Variants in NRXN3 observed in about 807,000 individuals in gnomAD.
NRXN3 encodes the protein neurexin III.
Under a neutral mutation model 137.6 loss-of-function variants are expected in NRXN3, and 32 were observed. The ratio of observed to expected loss-of-function variants is 0.23; its 90% CI spans 0.18 to 0.31. NRXN3 has a LOEUF of 0.31. NRXN3 is among the 10% of genes least tolerant of loss of function. NRXN3 has a pLI of 1.00. For missense variants in NRXN3, 1,574 were observed against 2,062.5 expected (o/e 0.76, Z 4.59); for synonymous variants, 798 against 784.5 (o/e 1.02, Z -0.29).
intron 4 of NRXN3, among the ~76,000 whole-genome samples, chr14:78,613,446 A>G (rs1158501686): frequency 6.6e-6 from 1 of 152,190 alleles, no homozygotes; most frequent in Non-Finnish European, 1.5e-5. Flanking sequence ...AAAGAAATGT[A>G]AGAAAATAAT....
chr14:79,385,212 CCCCCA>C (rs2094576838), intron 15 of NRXN3, among the ~76,000 whole-genome samples: 1 of 113,890 alleles, frequency 8.8e-6, no homozygotes. Flanking sequence ...CTTCCCCCCG[CCCCCA>C]CCCCACCACA....
chr14:78,198,187 C>T (rs1408905464), intron 1 of NRXN3, among the ~76,000 whole-genome samples: 1 of 152,208 alleles, frequency 6.6e-6, no homozygotes, highest in Non-Finnish European at 1.5e-5. Flanking sequence ...CTGTTCTCCT[C>T]CCTGCTCAGC....
intron 4 of NRXN3, among the ~76,000 whole-genome samples, chr14:78,315,487 G>A (rs2078598995): frequency 6.6e-6 from 1 of 152,128 alleles, no homozygotes; most frequent in South Asian, 2.1e-4. Context: ...AAATTCCAAG[G>A]AATAAAATGA....
intron 16 of NRXN3, among the ~76,000 whole-genome samples, chr14:79,498,301 G>A (rs549301687): frequency 1.3e-5 from 2 of 152,226 alleles, no homozygotes; most frequent in African/African-American, 2.4e-5. Flanking sequence ...CATGGTAGAT[G>A]CTATTATCGA....
At chr14:78,361,824 G>C (rs539674633) in intron 4 of NRXN3, among the ~76,000 whole-genome samples, 67 of 152,266 alleles carry the variant, frequency 4.4e-4, no homozygotes, top group Non-Finnish European at 7.9e-4. Context: ...TATTTGTCAA[G>C]CTATTAGGAT....
chr14:79,769,091 C>T (rs1046049600), intron 19 of NRXN3, among the ~76,000 whole-genome samples: 18 of 151,894 alleles, frequency 1.2e-4, no homozygotes, highest in Middle Eastern at 3.4e-3. Flanking sequence ...TAAAAGGAAA[C>T]GAGCAAAGCC....
chr14:78,942,087 C>G (rs896353537), intron 10 of NRXN3, among the ~76,000 whole-genome samples: 1 of 152,156 alleles, frequency 6.6e-6, no homozygotes, highest in Non-Finnish European at 1.5e-5. Flanking sequence ...TGATGGGGAG[C>G]CAATGTGGCA....
At chr14:78,778,203 A>C (rs1284483609) in intron 8 of NRXN3, among the ~76,000 whole-genome samples, 3 of 152,246 alleles carry the variant, frequency 2.0e-5, no homozygotes, top group Non-Finnish European at 4.4e-5. Flanking sequence ...TCATGAGAAG[A>C]AGGTAATTTG....
intron 15 of NRXN3, among the ~76,000 whole-genome samples, chr14:79,095,664 A>T (rs200144338): frequency 2.9e-5 from 1 of 34,396 alleles, no homozygotes; most frequent in Non-Finnish European, 1.0e-4. Context: ...AATACATGTG[A>T]GATTTGAAGA....
intron 18 of NRXN3, among the ~76,000 whole-genome samples, chr14:79,694,896 C>T (rs1405121462): frequency 6.6e-6 from 1 of 151,864 alleles, no homozygotes; most frequent in East Asian, 1.9e-4. Context: ...AGAAACAGAC[C>T]ATGAAACAAA....
At chr14:79,472,948 TA>T (rs1335845743) in intron 16 of NRXN3, among the ~76,000 whole-genome samples, 1 of 152,296 alleles carries the variant, frequency 6.6e-6, no homozygotes. Flanking sequence ...ATGCTGAGTG[TA>T]AAAAAGACAT....
intron 4 of NRXN3, among the ~76,000 whole-genome samples, chr14:78,561,534 A>C (rs1379596744): frequency 6.6e-6 from 1 of 152,218 alleles, no homozygotes; most frequent in East Asian, 1.9e-4. Context: ...GGAAGTCTAC[A>C]GGTTTATGCC....
At chr14:79,385,905 G>A (rs1035344900) in intron 15 of NRXN3, among the ~76,000 whole-genome samples, 7 of 152,022 alleles carry the variant, frequency 4.6e-5, no homozygotes, top group Non-Finnish European at 7.4e-5. Flanking sequence ...AAATTCAACA[G>A]CCCTTCATGC....
At chr14:79,302,069 T>C (rs942493849) in intron 15 of NRXN3, among the ~76,000 whole-genome samples, 1 of 152,114 alleles carries the variant, frequency 6.6e-6, no homozygotes, top group Non-Finnish European at 1.5e-5. Flanking sequence ...TGCATGGGTG[T>C]TTCTCTCTAT....
At chr14:79,263,048 T>C (rs2077878140) in intron 15 of NRXN3, among the ~76,000 whole-genome samples, 1 of 152,176 alleles carries the variant, frequency 6.6e-6, no homozygotes. Flanking sequence ...AATGATGAAC[T>C]ACCAGGAAAA....
chr14:79,208,030 T>A (rs1221729513), intron 15 of NRXN3, among the ~76,000 whole-genome samples: 1 of 152,134 alleles, frequency 6.6e-6, no homozygotes, highest in Non-Finnish European at 1.5e-5. Context: ...CCAGAGGGTA[T>A]AAAGAGGAAG....
intron 16 of NRXN3, among the ~76,000 whole-genome samples, chr14:79,565,557 A>G (rs2097543755): frequency 6.6e-6 from 1 of 151,802 alleles, no homozygotes; most frequent in African/African-American, 2.4e-5. Context: ...TTCCCTTGCC[A>G]TGTTTGGTGC....
intron 19 of NRXN3, among the ~76,000 whole-genome samples, chr14:79,754,254 A>T (rs941181281): frequency 2.0e-4 from 31 of 152,090 alleles, no homozygotes; most frequent in African/African-American, 7.2e-4. Flanking sequence ...AGGCATAAGA[A>T]TCACTTAAAC....
chr14:79,250,590 A>C (rs1318060953), intron 15 of NRXN3, among the ~76,000 whole-genome samples: 1 of 152,206 alleles, frequency 6.6e-6, no homozygotes, highest in Non-Finnish European at 1.5e-5. Flanking sequence ...TAGTGGTAAA[A>C]ACCAGGAAAT....
Sources: gnomAD v4.1 joint callset for allele counts (sites outside exome capture counted in the v4.1 genomes callset) on GRCh38, gnomAD v4.1.1 for gene constraint, MANE v1.5 for transcripts, NCBI Gene and HGNC (gene_info 2026-07-23, HGNC 2026-07-21) for gene names.